The following BNIPL variants were observed in gnomAD, a reference collection of about 807,000 sequenced individuals.
BNIPL encodes the protein bcl-2/adenovirus E1B 19 kDa-interacting protein 2-like protein.
In BNIPL, 33 loss-of-function variants were observed where a neutral mutation model predicts 47.0. The ratio of observed to expected loss-of-function variants is 0.70; its 90% CI spans 0.53 to 0.94. The LOEUF is 0.94. Among genes scored for constraint, BNIPL ranks in the 40% least tolerant of loss-of-function variants. BNIPL has a pLI of 0.00. For missense variants in BNIPL, 404 were observed against 445.2 expected, an observed-to-expected ratio of 0.91 and a Z score of 0.83; for synonymous variants, 145 against 162.7, an observed-to-expected ratio of 0.89 and a Z score of 0.83.
intron 3 of BNIPL, 71 bp from the exon 4 acceptor site, chr1:151,038,725 C>T (rs1242962603): frequency 3.2e-6 from 5 of 1,551,504 alleles, no homozygotes; most frequent in Non-Finnish European, 4.3e-6. Flanking sequence ...CTTTCACATA[C>T]AGGAATTCTA....
chr1:151,038,089 C>CA (rs905713492), intron 2 of BNIPL, among the ~76,000 whole-genome samples: 3 of 131,714 alleles, frequency 2.3e-5, no homozygotes, highest in African/African-American at 9.1e-5. Context: ...AAAAAGAAAA[C>CA]AGAGGCCGGG....
Position 151,046,914 on chromosome 1 carries a change from G to A in BNIPL, c.*227G>A, listed in dbSNP as rs1676047297. On this transcript the variant is annotated 3_prime_UTR_variant, in exon 10 of 10. Coordinates refer to ENST00000368931, the MANE Select transcript of BNIPL (RefSeq NM_138278.4). ...TTCATTCCAGTTGCTGGGACGGAAG[G>A]CTGAATGTAGGGTCATTTTGTATGG... 6.6e-6 allele frequency: 3 copies of A among 453,900 alleles called. No homozygotes were observed. Among genetic ancestry groups the A allele is most frequent in the Non-Finnish European group, 1.2e-5 (3 of 256,132 alleles). 28.1% of individuals were successfully genotyped at this position (453,900 alleles called of 1,614,324 possible).
rs587653815 is a variant in BNIPL, at chr1:151,044,167, T to A, written c.851+440T>A. ...GCCCAGCTAACTTTTGTATTTTTTG[T>A]AGAGATGGAGTTTCACCATTTTGCC... On this transcript the variant is annotated intron_variant, in intron 7 of 9. Transcript: ENST00000368931. 7.9e-5 allele frequency among the ~76,000 whole-genome samples: 12 copies of A among 152,090 alleles called. No individual in the cohort carries two copies. In the South Asian group the frequency reaches 2.5e-3, roughly 32 times the overall value.
intron 4 of BNIPL, among the ~76,000 whole-genome samples, chr1:151,040,522 G>A (rs1239340641): frequency 6.6e-6 from 1 of 151,994 alleles, no homozygotes; most frequent in East Asian, 1.9e-4. Context: ...TAGGCTGGGA[G>A]CGGTGGCTCA....
intron 3 of BNIPL, 35 bp from the exon 4 acceptor site, chr1:151,038,761 A>C (rs1033719664): frequency 6.4e-7 from 1 of 1,556,250 alleles, no homozygotes; most frequent in African/African-American, 1.4e-5. Flanking sequence ...CAACACACAC[A>C]CCCATCTTGG....
chr1:151,044,518 C>A (rs1026905297), intron 7 of BNIPL, among the ~76,000 whole-genome samples: 22 of 152,228 alleles, frequency 1.4e-4, no homozygotes, highest in African/African-American at 5.1e-4. Context: ...TCTTGGCTCG[C>A]TGCAGCCTCT....
intron 4 of BNIPL, among the ~76,000 whole-genome samples, chr1:151,039,260 A>G (rs1675739139): frequency 6.6e-6 from 1 of 152,208 alleles, no homozygotes; most frequent in Admixed American, 6.5e-5. Flanking sequence ...TGCCTGTTAC[A>G]TACTATCATG....
intron 1 of BNIPL, 80 bp downstream of exon 1, chr1:151,036,846 T>G: frequency 7.1e-7 from 1 of 1,406,426 alleles, no homozygotes; most frequent in Non-Finnish European, 1.0e-6. Flanking sequence ...CAGCTCTTAC[T>G]GGGTCAAATC....
At chr1:151,044,814 A>G in intron 7 of BNIPL, 1 of 1,278,550 alleles carries the variant, frequency 7.8e-7, no homozygotes, top group Non-Finnish European at 1.0e-6. Context: ...CCCCATCTCC[A>G]TTTGCTCACA....
Position 151,043,592 on chromosome 1 carries a change from C to T in BNIPL, c.720-4C>T. The T allele has an allele frequency of 6.2e-7, 1 of 1,609,984 alleles. No individual in the cohort carries two copies. The highest frequency in any genetic ancestry group is 1.1e-5 in the South Asian group (1 of 90,968). ...ATACCTTCCCTGCAATTTCATCCCC[C>T]CAGGTATATGGTGGGAACTCTGGAG... On this transcript the variant is annotated splice_polypyrimidine_tract_variant and splice_region_variant and intron_variant, in intron 6 of 9. Transcript: ENST00000368931.
chr1:151,041,604 G>T (rs1176106017), intron 4 of BNIPL, among the ~76,000 whole-genome samples: 1 of 152,054 alleles, frequency 6.6e-6, no homozygotes, highest in Non-Finnish European at 1.5e-5. Flanking sequence ...GTCTCTAAAA[G>T]AAAACAACAA....
At chr1:151,045,710 G>A in intron 7 of BNIPL, 87 bp from the exon 8 acceptor site, 1 of 1,596,738 alleles carries the variant, frequency 6.3e-7, no homozygotes, top group Non-Finnish European at 8.5e-7. Context: ...AGTGAATGAA[G>A]GAAGTTACAG....
At chr1:151,045,290 A>G (rs1178494789) in intron 7 of BNIPL, among the ~76,000 whole-genome samples, 21 of 95,678 alleles carry the variant, frequency 2.2e-4, no homozygotes, top group African/African-American at 7.4e-4. Context: ...AAAAAAAAAA[A>G]TCCGGGCGCG....
intron 7 of BNIPL, 96 bp downstream of exon 7, chr1:151,043,823 T>C: frequency 7.1e-7 from 1 of 1,412,814 alleles, no homozygotes; most frequent in East Asian, 2.3e-5. Flanking sequence ...TTTCCTATTT[T>C]CTTTGTCCTT....
intron 7 of BNIPL, 24 bp downstream of exon 7, chr1:151,043,751 A>T: frequency 6.3e-7 from 1 of 1,590,664 alleles, no homozygotes; most frequent in Non-Finnish European, 8.6e-7. Flanking sequence ...TGAGAGGGCT[A>T]CAACTCTCTA....
intron 4 of BNIPL, 100 bp from the exon 5 acceptor site, chr1:151,042,856 A>T: frequency 1.0e-6 from 1 of 971,902 alleles, no homozygotes; most frequent in Non-Finnish European, 1.5e-6. Flanking sequence ...AAAATTGAGT[A>T]ATGACAGATT....
rs960514054 is a variant in BNIPL at position 151,047,666 on chromosome 1, A to C, written c.*979A>C. On this transcript the variant is annotated 3_prime_UTR_variant, in exon 10 of 10. Transcript: ENST00000368931. ...TCGGTTCTGGCAGAGTTCTTGCCGC[A>C]GAGGTTCCTTAGGAGCACCCCGCGC... 2.1e-5 allele frequency: 21 copies of C among 978,960 alleles called. No homozygotes were observed. Among genetic ancestry groups the C allele is most frequent in the Non-Finnish European group, 2.9e-5 (20 of 700,894 alleles). 60.6% of individuals were successfully genotyped at this position (978,960 alleles called of 1,614,324 possible). A position where few individuals can be genotyped will look rare whatever the true frequency, so the allele number is the denominator to read the frequency against.
At chr1:151,041,212 G>T (rs1488375876) in intron 4 of BNIPL, among the ~76,000 whole-genome samples, 1 of 151,770 alleles carries the variant, frequency 6.6e-6, no homozygotes, top group Non-Finnish European at 1.5e-5. Context: ...AGAAAGGAAA[G>T]CTTGCTCTAG....
At chr1:151,041,246 A>G (rs1006013398) in intron 4 of BNIPL, among the ~76,000 whole-genome samples, 1 of 152,056 alleles carries the variant, frequency 6.6e-6, no homozygotes, top group African/African-American at 2.4e-5. Context: ...GGTCTATTGG[A>G]AAAAAACAGA....
Sources: allele counts gnomAD v4.1 joint callset (sites outside exome capture counted in the v4.1 genomes callset), GRCh38; gene constraint gnomAD v4.1.1; transcripts MANE v1.5; gene names NCBI Gene and HGNC (gene_info 2026-07-23, HGNC 2026-07-21).